CDH18: variants seen among roughly 807,000 people sequenced by gnomAD.
The protein encoded by CDH18 is cadherin-18.
In CDH18, 31 loss-of-function variants were observed where a neutral mutation model predicts 67.9. The ratio of observed to expected loss-of-function variants is 0.46; its 90% CI spans 0.34 to 0.62. The LOEUF (loss-of-function observed/expected upper bound fraction) is 0.62. CDH18 is among the 20% of genes least tolerant of loss of function. The pLI, the probability that CDH18 is intolerant of heterozygous loss-of-function variation, is 0.01. For synonymous variants in CDH18, 362 were observed against 347.2 expected, an observed-to-expected ratio of 1.04 and a Z score of -0.48; for missense variants, 890 against 975.5, an observed-to-expected ratio of 0.91 and a Z score of 1.17.
At chr5:19,760,682 C>G (rs574462931) in intron 3 of CDH18, among the ~76,000 whole-genome samples, 1 of 152,298 alleles carries the variant, frequency 6.6e-6, no homozygotes, top group African/African-American at 2.4e-5. Context: ...AGAACTCAAA[C>G]AGTTCTTTTC....
chr5:20,022,870 G>A lies in CDH18; in HGVS notation c.-517-30856C>T, dbSNP rs182524514. On this transcript the variant is annotated intron_variant, in intron 2 of 14. Coordinates refer to the CDH18 transcript ENST00000507958. The stretch of plus-strand genomic sequence containing the variant: ...AATGGGTGAGTCTATGCTTGCACTC[G>A]GGTATACAAAATCACTACCTTCCTG... Among the ~76,000 whole-genome samples the A allele has an allele frequency of 1.4e-4, 22 of 152,150 alleles. No individual in the cohort carries two copies. In the East Asian group the frequency reaches 2.3e-3, roughly 16 times the overall value.
intron 2 of CDH18, among the ~76,000 whole-genome samples, chr5:20,107,205 C>A (rs1208277987): frequency 2.0e-5 from 3 of 152,054 alleles, no homozygotes; most frequent in Non-Finnish European, 4.4e-5. Flanking sequence ...CTCAGCCTCC[C>A]CAGTAGCTGG....
At chr5:19,593,234 T>C (rs1745472438) in intron 6 of CDH18, among the ~76,000 whole-genome samples, 1 of 152,150 alleles carries the variant, frequency 6.6e-6, no homozygotes, top group African/African-American at 2.4e-5. Context: ...TTTTGAGGAA[T>C]CTTTATACTA....
intron 2 of CDH18, among the ~76,000 whole-genome samples, chr5:20,078,326 G>C (rs1273254076): frequency 1.3e-5 from 2 of 152,040 alleles, no homozygotes; most frequent in African/African-American, 4.8e-5. Context: ...AGCTGGGTGT[G>C]GTGGCGTGTG....
intron 2 of CDH18, among the ~76,000 whole-genome samples, chr5:19,887,301 G>A (rs1434984593): frequency 6.6e-6 from 1 of 151,412 alleles, no homozygotes; most frequent in Non-Finnish European, 1.5e-5. Flanking sequence ...TATCTCATTG[G>A]TTTCTATGAG....
At chr5:19,722,770 T>A (rs1245770665) in intron 4 of CDH18, among the ~76,000 whole-genome samples, 1 of 152,072 alleles carries the variant, frequency 6.6e-6, no homozygotes, top group Non-Finnish European at 1.5e-5. Context: ...TTCTACCTAC[T>A]AATTTGGGTT....
intron 5 of CDH18, among the ~76,000 whole-genome samples, chr5:19,709,695 G>GA (rs1249890847): frequency 3.2e-4 from 44 of 138,436 alleles, no homozygotes; most frequent in African/African-American, 1.1e-3. Flanking sequence ...AAAAGAAAAG[G>GA]AAAAAAAAGA....
chr5:19,951,053 G>C (rs1795739454), intron 2 of CDH18, among the ~76,000 whole-genome samples: 1 of 152,120 alleles, frequency 6.6e-6, no homozygotes, highest in Non-Finnish European at 1.5e-5. Context: ...AAATATATTT[G>C]ATTAGATCTG....
intron 8 of CDH18, among the ~76,000 whole-genome samples, chr5:19,566,124 G>T (rs1456371478): frequency 6.6e-6 from 1 of 152,076 alleles, no homozygotes; most frequent in East Asian, 1.9e-4. Flanking sequence ...ATAAAAAGGT[G>T]CTTAACATCA....
chr5:19,565,755 C>T (rs1230215014), intron 8 of CDH18, among the ~76,000 whole-genome samples: 1 of 152,194 alleles, frequency 6.6e-6, no homozygotes, highest in African/African-American at 2.4e-5. Context: ...TATGAACTCA[C>T]ACTGTGAAAC....
chr5:20,232,172 T>A (rs1330049905), intron 2 of CDH18, among the ~76,000 whole-genome samples: 2 of 141,984 alleles, frequency 1.4e-5, no homozygotes, highest in Admixed American at 1.4e-4. Context: ...TTTCTATTTA[T>A]TTTTTTTTTT....
intron 1 of CDH18, among the ~76,000 whole-genome samples, chr5:20,468,358 C>T (rs932473966): frequency 2.6e-5 from 4 of 152,112 alleles, no homozygotes; most frequent in Non-Finnish European, 5.9e-5. Flanking sequence ...TACATTCCTC[C>T]AGTTGGCATA....
intron 1 of CDH18, among the ~76,000 whole-genome samples, chr5:20,409,030 A>G (rs916385876): frequency 6.6e-5 from 10 of 152,042 alleles, no homozygotes; most frequent in African/African-American, 2.4e-4. Flanking sequence ...AGTTATAACA[A>G]TTATAGATAT....
intron 2 of CDH18, among the ~76,000 whole-genome samples, chr5:20,034,665 A>G (rs1191313332): frequency 6.6e-6 from 1 of 152,050 alleles, no homozygotes; most frequent in Admixed American, 6.6e-5. Flanking sequence ...CAACTGGACC[A>G]TAAACTATTT....
At chr5:20,241,851 C>CAAAAAAAAAAAA (rs1210062844) in intron 2 of CDH18, among the ~76,000 whole-genome samples, 2 of 127,036 alleles carry the variant, frequency 1.6e-5, no homozygotes, top group African/African-American at 3.1e-5. Context: ...GACCCTGTCG[C>CAAAAAAAAAAAA]AAAAAAAAAA....
chr5:19,778,360 C>T (rs975825812), intron 3 of CDH18, among the ~76,000 whole-genome samples: 4 of 152,090 alleles, frequency 2.6e-5, no homozygotes, highest in East Asian at 1.9e-4. Context: ...GAAATTAAAA[C>T]GAAAGATGAA....
chr5:19,825,539 G>A (rs1780322640), intron 3 of CDH18, among the ~76,000 whole-genome samples: 1 of 152,068 alleles, frequency 6.6e-6, no homozygotes, highest in Non-Finnish European at 1.5e-5. Flanking sequence ...TCTGCCAACT[G>A]TTGCCCCTGT....
At chr5:20,530,545 G>A (rs1202324879) in intron 1 of CDH18, among the ~76,000 whole-genome samples, 1 of 152,018 alleles carries the variant, frequency 6.6e-6, no homozygotes, top group East Asian at 1.9e-4. Flanking sequence ...CAGGCACATA[G>A]ACCAGTGGAA....
intron 2 of CDH18, among the ~76,000 whole-genome samples, chr5:19,940,884 G>T (rs1427144952): frequency 6.6e-6 from 1 of 152,100 alleles, no homozygotes; most frequent in Non-Finnish European, 1.5e-5. Flanking sequence ...TCAAGATACA[G>T]AATGGAACTA....
Sources: gnomAD v4.1 joint callset for allele counts (sites outside exome capture counted in the v4.1 genomes callset) on GRCh38, gnomAD v4.1.1 for gene constraint, MANE v1.5 for transcripts, NCBI Gene and HGNC (gene_info 2026-07-23, HGNC 2026-07-21) for gene names.